ZNF737: variants seen among roughly 807,000 people sequenced by gnomAD.
ZNF737 encodes zinc finger protein 102 (Y3).
Under a neutral mutation model 11.7 loss-of-function variants are expected in ZNF737, and 13 were observed. That is an observed-to-expected ratio of 1.11 (90% confidence interval 0.73 to 1.77). The LOEUF (loss-of-function observed/expected upper bound fraction) is 1.77. Among genes scored for constraint, ZNF737 ranks in the 40% most tolerant of loss-of-function variants. The pLI is 0.00. For missense variants in ZNF737, 636 were observed against 638.0 expected (o/e 1.00, Z 0.03); for synonymous variants, 217 against 216.2 (o/e 1.00, Z -0.03).
rs374107585 is a variant in ZNF737 at position 20,544,728 on chromosome 19, C to T, written c.1475G>A (p.Arg492His). 18 of 1,605,678 alleles carry T rather than the reference C, an allele frequency of 1.1e-5. No homozygotes were observed. Among genetic ancestry groups the T allele is most frequent in the Middle Eastern group, 1.7e-4 (1 of 6,036 alleles). Residue 492 changes from arginine to histidine, a missense_variant, in exon 4 of 4, where the codon CGC (arginine) becomes CAC (histidine). Coordinates refer to ENST00000427401, the MANE Select transcript of ZNF737 (RefSeq NM_001159293.2). ...CTTATGTCTAGTAAGGATAAAGGAG[C>T]GCTTAAAAGCCTTGCCACATCGTTC... ...KCERCGKAFK[R>H]SFILTRHKRI...
At chr19:20,533,336 C>A (rs1370170633), downstream of ZNF737, among the ~76,000 whole-genome samples, 1 of 149,724 alleles carries the variant, frequency 6.7e-6, no homozygotes, top group Non-Finnish European at 1.5e-5. Context: ...GTAGCAATAG[C>A]TATCAATACT....
At chr19:20,564,657 A>AT (rs1274345208) in intron 1 of ZNF737, among the ~76,000 whole-genome samples, 3 of 151,984 alleles carry the variant, frequency 2.0e-5, no homozygotes, top group South Asian at 4.2e-4. Context: ...TCTCAAAAAA[A>AT]AAAAAATAAA....
chr19:20,560,499 G>C (rs753317953), intron 1 of ZNF737, among the ~76,000 whole-genome samples: 1 of 152,042 alleles, frequency 6.6e-6, no homozygotes, highest in Non-Finnish European at 1.5e-5. Flanking sequence ...CAAATGCAGA[G>C]GCCTGGCGCA....
chr19:20,536,200 A>T (rs1314457192), downstream of ZNF737: 1 of 684,950 alleles, frequency 1.5e-6, no homozygotes, highest in Non-Finnish European at 1.8e-6. Flanking sequence ...TAAAATAAAG[A>T]TTAATTTTGT....
In ZNF737 at chr19:20,545,790, G is replaced by C; in HGVS notation, c.413C>G (p.Thr138Arg). 6.2e-7 allele frequency: 1 copy of C among 1,612,888 alleles called. No individual in the cohort carries two copies. Among genetic ancestry groups the C allele is most frequent in the Non-Finnish European group, 8.5e-7 (1 of 1,179,592 alleles). Residue 138 changes from threonine (T) to arginine (R), a missense_variant, in exon 4 of 4, where the codon ACA becomes AGA. By Grantham distance (71) the Thr-to-Arg change is moderately conservative. Coordinates refer to ENST00000427401, the MANE Select transcript of ZNF737 (RefSeq NM_001159293.2). Reference protein sequence around the residue: ...RGYNGLNQYLTTTQSKIFQCD... With the variant: ...RGYNGLNQYLRTTQSKIFQCD... The stretch of plus-strand genomic sequence containing the variant: ...CTGAAATATTTTGCTTTGAGTAGTT[G>C]TCAAATATTGGTTAAGTCCATTATA...
At position 20,543,815 on chromosome 19, in the gene ZNF737, T is replaced by G; in HGVS notation, c.*777A>C. On this transcript the variant is annotated 3_prime_UTR_variant, in exon 4 of 4. Transcript: ENST00000427401. ...CGGATTTCCTCTTCAACATGAATTATTGCCATGCCTCTTAAGAATTGAGAA... is the reference window on the plus strand; with the variant it reads ...CGGATTTCCTCTTCAACATGAATTAGTGCCATGCCTCTTAAGAATTGAGAA... 1.0e-6 allele frequency: 1 copy of G among 985,468 alleles called. No individual in the cohort carries two copies. Among genetic ancestry groups the G allele is most frequent in the Non-Finnish European group, 1.2e-6 (1 of 829,946 alleles). 61.0% of individuals were successfully genotyped at this position (985,468 alleles called of 1,614,324 possible).
downstream of ZNF737, among the ~76,000 whole-genome samples, chr19:20,532,959 G>T (rs1346886736): frequency 4.0e-5 from 6 of 149,728 alleles, no homozygotes; most frequent in South Asian, 2.2e-4. Context: ...AAAAAGACAA[G>T]AGTGTGATTT....
At position 20,544,152 on chromosome 19, in the gene ZNF737, G is replaced by C; in HGVS notation, c.*440C>G. ...TCAAAAAAAAAAATATTGAAAACTT[G>C]TTATAGGATTTGCCACATTCCTCAA... On this transcript the variant is annotated 3_prime_UTR_variant, in exon 4 of 4. Coordinates refer to ENST00000427401, the MANE Select transcript of ZNF737 (RefSeq NM_001159293.2). 1 of 1,004,634 alleles carries C rather than the reference G, an allele frequency of 1.0e-6. No homozygotes were observed. The highest frequency in any genetic ancestry group is 1.2e-6 in the Non-Finnish European group (1 of 841,576). 62.2% of individuals were successfully genotyped at this position (1,004,634 alleles called of 1,614,324 possible). A position where few individuals can be genotyped will look rare whatever the true frequency, so the allele number is the denominator to read the frequency against.
In ZNF737 at chr19:20,539,404, A is replaced by G. The variant is rs1349624366; in HGVS notation, c.*5188T>C. ...TTCAGATTTCAAAAGGTCAAAAACA[A>G]TCATTGAGCAAAGCTTAAATCTTGC... On this transcript the variant is annotated 3_prime_UTR_variant, in exon 4 of 4. Coordinates refer to ENST00000427401, the MANE Select transcript of ZNF737 (RefSeq NM_001159293.2). 1.3e-5 allele frequency: 13 copies of G among 985,396 alleles called. No homozygotes were observed. Among genetic ancestry groups the G allele is most frequent in the East Asian group, 1.1e-4 (1 of 8,812 alleles). 61.0% of individuals were successfully genotyped at this position (985,396 alleles called of 1,614,324 possible). A position where few individuals can be genotyped will look rare whatever the true frequency, so the allele number is the denominator to read the frequency against.
rs1266099992 is a variant in ZNF737 at position 20,565,728 on chromosome 19, G to A, written c.-88C>T. Reference sequence around the variant, plus strand: ...AGGGCCACAGAGGCTGGGCCTCTAGGAGCAGAGGACACACAGCAGTGAAGA... The same window carrying A: ...AGGGCCACAGAGGCTGGGCCTCTAGAAGCAGAGGACACACAGCAGTGAAGA... On this transcript the variant is annotated 5_prime_UTR_variant, in exon 1 of 4. Transcript: ENST00000427401. 3 of 1,589,252 alleles carry A rather than the reference G, an allele frequency of 1.9e-6. No homozygotes were observed. The highest frequency in any genetic ancestry group is 2.2e-5 in the East Asian group (1 of 44,752).
downstream of ZNF737, among the ~76,000 whole-genome samples, chr19:20,531,248 C>CGGGATAG (rs1555752804): frequency 2.6e-5 from 2 of 77,058 alleles, no homozygotes; most frequent in African/African-American, 1.2e-4. Flanking sequence ...AGAGGGGAGA[C>CGGGATAG]GGGAGAGGGG....
At chr19:20,534,867 T>G (rs12461357), downstream of ZNF737, among the ~76,000 whole-genome samples, 12,262 of 149,922 alleles carry the variant, frequency 0.082, 1,409 homozygotes, top group East Asian at 0.37. Context: ...TAATAAATGT[T>G]TATTTTCATT....
At chr19:20,561,344 C>T (rs1166754470) in intron 1 of ZNF737, among the ~76,000 whole-genome samples, 2 of 152,020 alleles carry the variant, frequency 1.3e-5, no homozygotes, top group African/African-American at 4.8e-5. Context: ...TGGTGAAGGT[C>T]CTGAGGGTGG....
In ZNF737 at chr19:20,545,725, A is replaced by T. The variant is rs1968430795; in HGVS notation, c.478T>A (p.Ser160Thr). ...YVKVIHKFSN[S>T]NRHKIRHTGK... ...GTATGTCTTATCTTATGTCTGTTTG[A>T]ATTTGAAAATTTATGAATGACTTTC... The change falls in exon 4 of 4, where the codon TCA becomes ACA. Residue 160 changes from serine (S) to threonine (T), a missense_variant. Transcript: ENST00000427401. 1.9e-6 allele frequency: 3 copies of T among 1,612,466 alleles called. No individual in the cohort carries two copies. The highest frequency in any genetic ancestry group is 2.5e-6 in the Non-Finnish European group (3 of 1,179,380).
chr19:20,538,746 C>CA lies in ZNF737; in HGVS notation c.*5845dup. On this transcript the variant is annotated 3_prime_UTR_variant, in exon 4 of 4. Transcript: ENST00000427401. ...CACCACACTGCACATCAATGCTTTC[C>CA]ACATGCACCCAATAGAGTCTTAATT... is the stretch of plus-strand genomic sequence containing the variant. 1 of 985,358 alleles carries CA rather than the reference C, an allele frequency of 1.0e-6. No individual in the cohort carries two copies. The highest frequency in any genetic ancestry group is 1.2e-6 in the Non-Finnish European group (1 of 829,912). 61.0% of individuals were successfully genotyped at this position (985,358 alleles called of 1,614,324 possible).
downstream of ZNF737, among the ~76,000 whole-genome samples, chr19:20,537,586 G>A (rs1199805289): frequency 3.1e-5 from 4 of 129,114 alleles, no homozygotes; most frequent in Non-Finnish European, 4.6e-5. Flanking sequence ...GCATGATCTC[G>A]GCTCACTGCA....
chr19:20,533,679 G>T (rs1967883720), downstream of ZNF737, among the ~76,000 whole-genome samples: 1 of 150,174 alleles, frequency 6.7e-6, no homozygotes, highest in Admixed American at 6.6e-5. Context: ...AAGCTGTGTG[G>T]TATATACTGT....
chr19:20,531,841 G>C (rs1967836343), downstream of ZNF737, among the ~76,000 whole-genome samples: 1 of 150,138 alleles, frequency 6.7e-6, no homozygotes. Flanking sequence ...TACATAGGGA[G>C]ATAAATACTC....
chr19:20,548,962 G>GAAAAAAAAAAAAA (rs3047010), intron 3 of ZNF737, among the ~76,000 whole-genome samples: 5 of 86,442 alleles, frequency 5.8e-5, no homozygotes, highest in African/African-American at 1.5e-4. Context: ...AAGAAAAACT[G>GAAAAAAAAAAAAA]AAAAAAAAAA....
Sources: gnomAD v4.1 joint callset for allele counts (sites outside exome capture counted in the v4.1 genomes callset) on GRCh38, gnomAD v4.1.1 for gene constraint, MANE v1.5 for transcripts, NCBI Gene and HGNC (gene_info 2026-07-23, HGNC 2026-07-21) for gene names.